Variants in GPD2 observed in about 807,000 individuals in gnomAD.
GPD2 encodes the protein glycerol-3-phosphate dehydrogenase, mitochondrial.
In GPD2, 54 loss-of-function variants were observed where a neutral mutation model predicts 82.4. The observed-to-expected ratio is 0.66, with a 90% confidence interval of 0.53 to 0.82. GPD2 has a LOEUF of 0.82. Among genes scored for constraint, GPD2 ranks in the 40% least tolerant of loss-of-function variants. GPD2 has a pLI of 0.00. For synonymous variants in GPD2, 288 were observed against 306.1 expected (o/e 0.94, Z 0.62); for missense variants, 748 against 896.2 (o/e 0.83, Z 2.11).
At chr2:156,406,915 T>C in the GPD2 span, among the ~76,000 whole-genome samples, 1 of 152,176 alleles carries the variant, frequency 6.6e-6, no homozygotes, top group African/African-American at 2.4e-5. Flanking sequence ...AGAGTATTCA[T>C]TGAAAAGTAT....
At chr2:156,496,863 A>T (rs1431063842) in intron 3 of GPD2, among the ~76,000 whole-genome samples, 1 of 21,888 alleles carries the variant, frequency 4.6e-5, no homozygotes, top group African/African-American at 4.9e-5. Flanking sequence ...TCTTAAAATC[A>T]TCTCTTCAGT....
chr2:156,582,971 T>C lies in GPD2; in HGVS notation c.*53T>C, dbSNP rs201589876. The stretch of plus-strand genomic sequence containing the variant: ...AACATAGAAACGACAAATCACCATG[T>C]AACAACCAGAGATGACTGAAACCAC... On this transcript the variant is annotated 3_prime_UTR_variant, in exon 17 of 17. Coordinates refer to ENST00000438166, the MANE Select transcript of GPD2 (RefSeq NM_000408.5). 662 of 1,596,688 alleles carry C rather than the reference T, an allele frequency of 4.1e-4. No homozygotes were observed. The highest frequency in any genetic ancestry group is 1.7e-3 in the Middle Eastern group (10 of 6,008).
At chr2:156,523,214 T>A (rs920297668) in intron 6 of GPD2, among the ~76,000 whole-genome samples, 1 of 152,198 alleles carries the variant, frequency 6.6e-6, no homozygotes, top group African/African-American at 2.4e-5. Flanking sequence ...ATAGTTTCGC[T>A]GGCCTAAAAA....
chr2:156,410,165 C>A, the GPD2 span, among the ~76,000 whole-genome samples: 1 of 152,150 alleles, frequency 6.6e-6, no homozygotes, highest in East Asian at 1.9e-4. Context: ...CAGTGTGTGA[C>A]ACCATAACAA....
chr2:156,428,951 C>A, the GPD2 span, among the ~76,000 whole-genome samples: 1 of 152,198 alleles, frequency 6.6e-6, no homozygotes, highest in East Asian at 1.9e-4. Context: ...TTCCTCTTGG[C>A]TTAGCAGAAA....
intron 3 of GPD2, among the ~76,000 whole-genome samples, chr2:156,497,410 C>G (rs1684425318): frequency 6.6e-6 from 1 of 152,074 alleles, no homozygotes; most frequent in South Asian, 2.1e-4. Flanking sequence ...ACTGTGGTAT[C>G]CTCAGATGTC....
intron 2 of GPD2, among the ~76,000 whole-genome samples, chr2:156,479,243 A>T (rs1387003950): frequency 6.6e-6 from 1 of 152,328 alleles, no homozygotes; most frequent in East Asian, 1.9e-4. Flanking sequence ...TAAACATAAG[A>T]CAGATTGAAA....
At chr2:156,431,723 ACTT>A (rs1399063460), upstream of GPD2, among the ~76,000 whole-genome samples, 2 of 152,168 alleles carry the variant, frequency 1.3e-5, no homozygotes, top group African/African-American at 4.8e-5. Flanking sequence ...GCAGAAAGCT[ACTT>A]AGATACTCAT....
chr2:156,418,555 C>T, the GPD2 span, among the ~76,000 whole-genome samples: 1 of 152,162 alleles, frequency 6.6e-6, no homozygotes, highest in African/African-American at 2.4e-5. Flanking sequence ...CCCTGACCAG[C>T]CAAATGGACT....
the GPD2 span, among the ~76,000 whole-genome samples, chr2:156,405,276 C>T: frequency 6.6e-6 from 1 of 152,076 alleles, no homozygotes; most frequent in Non-Finnish European, 1.5e-5. Flanking sequence ...TGGTGTAAAG[C>T]GCTCATTTTT....
At chr2:156,541,913 T>G (rs1280958793) in intron 6 of GPD2, among the ~76,000 whole-genome samples, 1 of 139,056 alleles carries the variant, frequency 7.2e-6, no homozygotes, top group Non-Finnish European at 1.5e-5. Flanking sequence ...TAAACTAATG[T>G]GTGGAACATT....
chr2:156,550,572 G>A (rs565041120), intron 7 of GPD2, 30 bp from the exon 8 acceptor site: 1 of 1,610,084 alleles, frequency 6.2e-7, no homozygotes, highest in South Asian at 1.1e-5. Flanking sequence ...AACAAATGAG[G>A]TGTGTGATTG....
At chr2:156,411,960 T>G in the GPD2 span, among the ~76,000 whole-genome samples, 1 of 152,238 alleles carries the variant, frequency 6.6e-6, no homozygotes, top group Admixed American at 6.5e-5. Flanking sequence ...ATGAAGTCGC[T>G]TCTTTGTTTC....
chr2:156,471,644 C>T (rs1478628193), intron 1 of GPD2, among the ~76,000 whole-genome samples: 2 of 152,218 alleles, frequency 1.3e-5, no homozygotes, highest in Admixed American at 6.5e-5. Flanking sequence ...TTTTCCCCTT[C>T]AAGACCCTTC....
rs544722219 is a variant in GPD2 at position 156,451,653 on chromosome 2, C to T, written c.-9+15140C>T. On this transcript the variant is annotated intron_variant, in intron 1 of 16. Transcript: ENST00000438166. Reference sequence around the variant, plus strand: ...CCCAGTAGGGGCGGCTGGGCAGAGGCGCCCCTCACCTCCCGGACGGGGCAG... The same window carrying T: ...CCCAGTAGGGGCGGCTGGGCAGAGGTGCCCCTCACCTCCCGGACGGGGCAG... Among the ~76,000 whole-genome samples the T allele has an allele frequency of 3.9e-3, 553 of 140,752 alleles. 4 individuals are homozygous for T. Among genetic ancestry groups the T allele is most frequent in the Non-Finnish European group, 7.0e-3 (444 of 63,628 alleles). The allele number at this position is 140,752 out of a possible 152,430, so 92.3% of individuals were successfully genotyped here. A position where few individuals can be genotyped will look rare whatever the true frequency, so the allele number is the denominator to read the frequency against.
upstream of GPD2, chr2:156,435,440 G>GT (rs1175590351): frequency 0.015 from 2,196 of 141,856 alleles, 51 homozygotes; most frequent in African/African-American, 0.046. Context: ...GGGCAGGGTC[G>GT]TTTTTTTTTT....
rs1491400594 is a variant in GPD2 at position 156,584,131 on chromosome 2, A to AC, written c.*1213_*1214insC. 1.3e-5 allele frequency: 2 copies of AC among 152,022 alleles called. No individual in the cohort carries two copies. The highest frequency in any genetic ancestry group is 1.5e-5 in the Non-Finnish European group (1 of 67,946). The allele number at this position is 152,022 out of a possible 1,614,324, so 9.4% of individuals were successfully genotyped here. The stretch of plus-strand genomic sequence containing the variant: ...CCAACCCCCATCCCGACACACACAC[A>AC]GAGTCCAAAGCAAAAGTCAGTGTGT... On this transcript the variant is annotated 3_prime_UTR_variant, in exon 17 of 17. Transcript: ENST00000438166.
chr2:156,467,423 G>T (rs948555642), intron 1 of GPD2, among the ~76,000 whole-genome samples: 20 of 152,122 alleles, frequency 1.3e-4, no homozygotes, highest in African/African-American at 1.4e-4. Flanking sequence ...TTGGTTTTTT[G>T]ATTTATCTTG....
At chr2:156,546,704 A>G (rs1409295902) in intron 6 of GPD2, among the ~76,000 whole-genome samples, 1 of 152,160 alleles carries the variant, frequency 6.6e-6, no homozygotes, top group Admixed American at 6.6e-5. Context: ...AGCAAGGGAT[A>G]CCTTCTGGGA....
Sources: allele counts gnomAD v4.1 joint callset (sites outside exome capture counted in the v4.1 genomes callset), GRCh38; gene constraint gnomAD v4.1.1; transcripts MANE v1.5; gene names NCBI Gene and HGNC (gene_info 2026-07-23, HGNC 2026-07-21).